Variants in HGSNAT observed in about 807,000 individuals in gnomAD.
HGSNAT encodes the protein transmembrane protein 76.
HGSNAT carries 59 observed loss-of-function variants against 85.2 expected under a neutral mutation model. The ratio of observed to expected loss-of-function variants is 0.69; its 90% CI spans 0.56 to 0.86. The LOEUF (loss-of-function observed/expected upper bound fraction) is 0.86. Among genes scored for constraint, HGSNAT ranks in the 40% least tolerant of loss-of-function variants. The pLI, the probability that HGSNAT is intolerant of heterozygous loss-of-function variation, is 0.00. For synonymous variants in HGSNAT, 321 were observed against 304.5 expected, an observed-to-expected ratio of 1.05 and a Z score of -0.56; for missense variants, 756 against 777.1, an observed-to-expected ratio of 0.97 and a Z score of 0.32.
chr8:43,178,594 CT>C (rs58996359), intron 10 of HGSNAT, among the ~76,000 whole-genome samples: 4,732 of 96,912 alleles, frequency 0.049, 202 homozygotes, highest in African/African-American at 0.13. Flanking sequence ...CATCAGCTTT[CT>C]TTTTTTTTTT....
rs139084181 is a variant in HGSNAT, at chr8:43,189,315, T to A, written c.1129-2159T>A. Among the ~76,000 whole-genome samples the A allele has an allele frequency of 4.3e-3, 661 of 152,314 alleles. 7 individuals are homozygous for A. The highest frequency in any genetic ancestry group is 0.015 in the African/African-American group (632 of 41,578). On this transcript the variant is annotated intron_variant, in intron 11 of 17. Transcript: ENST00000379644. Reference sequence around the variant, plus strand: ...AGCTCCCCACCTGCTTTGTTTACCTTCTCAAGCCTCAGCAATGGCGGATGC... The same window carrying A: ...AGCTCCCCACCTGCTTTGTTTACCTACTCAAGCCTCAGCAATGGCGGATGC...
intron 17 of HGSNAT, 97 bp from the exon 18 acceptor site, chr8:43,199,291 T>C (rs1479538342): frequency 2.4e-6 from 2 of 850,908 alleles, no homozygotes; most frequent in African/African-American, 3.4e-5. Flanking sequence ...GTGCACACTT[T>C]CTGTTTTTTC....
At chr8:43,152,140 A>C (rs1456767650) in intron 2 of HGSNAT, among the ~76,000 whole-genome samples, 1 of 152,082 alleles carries the variant, frequency 6.6e-6, no homozygotes, top group Non-Finnish European at 1.5e-5. Flanking sequence ...AAAATACAAA[A>C]ATTAGCTGGG....
Position 43,166,105 on chromosome 8 carries a change from G to C in HGSNAT, c.564-3068G>C, listed in dbSNP as rs543044675. ...AGAGACTAAGAGAAGTGAGGAATCT[G>C]CAGAAGAAAAGTTGGAAACTAGCAG... is the stretch of plus-strand genomic sequence containing the variant. On this transcript the variant is annotated intron_variant, in intron 5 of 17. Coordinates refer to ENST00000379644, the MANE Select transcript of HGSNAT (RefSeq NM_152419.3). Among the ~76,000 whole-genome samples, 5 of 152,312 alleles carry C rather than the reference G, an allele frequency of 3.3e-5. No individual in the cohort carries two copies. In the East Asian group the frequency reaches 9.6e-4, roughly 29 times the overall value.
intron 5 of HGSNAT, among the ~76,000 whole-genome samples, chr8:43,166,456 T>TC (rs1803438749): frequency 6.6e-6 from 1 of 152,162 alleles, no homozygotes. Context: ...AATCCTAGGG[T>TC]CCTTAAGAAT....
At chr8:43,184,598 C>G (rs1804243544) in intron 11 of HGSNAT, among the ~76,000 whole-genome samples, 2 of 152,222 alleles carry the variant, frequency 1.3e-5, no homozygotes, top group Admixed American at 1.3e-4. Context: ...CCTGTTCACT[C>G]TGATGGTAGT....
intron 1 of HGSNAT, among the ~76,000 whole-genome samples, chr8:43,145,308 A>G (rs1802677132): frequency 6.6e-6 from 1 of 152,194 alleles, no homozygotes; most frequent in African/African-American, 2.4e-5. Context: ...ATGGCCAAAA[A>G]AAAGCATTCT....
intron 17 of HGSNAT, among the ~76,000 whole-genome samples, chr8:43,198,276 G>C (rs1804794958): frequency 6.7e-6 from 1 of 148,176 alleles, no homozygotes; most frequent in South Asian, 2.1e-4. Flanking sequence ...TCCAGTTTCT[G>C]GTTCTTTTTT....
chr8:43,172,030 A>G (rs567580806), intron 7 of HGSNAT, among the ~76,000 whole-genome samples: 2 of 152,320 alleles, frequency 1.3e-5, no homozygotes, highest in South Asian at 2.1e-4. Flanking sequence ...ATATTTTGCA[A>G]TGTTTTCAAG....
chr8:43,140,985 T>C (rs1035007925), intron 1 of HGSNAT, among the ~76,000 whole-genome samples: 3 of 152,042 alleles, frequency 2.0e-5, no homozygotes, highest in African/African-American at 4.8e-5. Context: ...CAGCCGAGGA[T>C]CGGGGGGGCT....
At chr8:43,177,068 C>G (rs1436177538) in intron 9 of HGSNAT, among the ~76,000 whole-genome samples, 5 of 152,008 alleles carry the variant, frequency 3.3e-5, no homozygotes, top group African/African-American at 7.2e-5. Context: ...TATTTTTGTA[C>G]TCATTATTAG....
chr8:43,194,307 A>C (rs1804637087), intron 14 of HGSNAT: 1 of 740,082 alleles, frequency 1.4e-6, no homozygotes, highest in East Asian at 1.3e-4. Flanking sequence ...CTGAGGTAGG[A>C]GTATGGCTTG....
Position 43,193,470 on chromosome 8 carries a change from A to G in HGSNAT, c.1378-287A>G, listed in dbSNP as rs545529712. On this transcript the variant is annotated intron_variant, in intron 13 of 17. Transcript: ENST00000379644. The stretch of plus-strand genomic sequence containing the variant: ...GCTGGTCAGGAAGGCGTCATGTCAC[A>G]AGGCCTGGAGCCAGCGCTGTTTGCT... Among the ~76,000 whole-genome samples the G allele has an allele frequency of 3.3e-5, 5 of 152,200 alleles. No homozygotes were observed. The South Asian group carries it at 1.0e-3, about 32-fold the overall frequency.
At chr8:43,198,575 C>A (rs980790761) in intron 17 of HGSNAT, among the ~76,000 whole-genome samples, 1 of 152,142 alleles carries the variant, frequency 6.6e-6, no homozygotes, top group Non-Finnish European at 1.5e-5. Context: ...GCGTGAGCCA[C>A]CGTGCCCAGC....
chr8:43,152,575 C>A (rs759183543), intron 2 of HGSNAT, among the ~76,000 whole-genome samples: 1 of 152,090 alleles, frequency 6.6e-6, no homozygotes, highest in Non-Finnish European at 1.5e-5. Flanking sequence ...TTCAGCCTCT[C>A]AAGTAGCTAG....
rs1297652455 is a variant in HGSNAT at position 43,199,573 on chromosome 8, C to T, written c.*4C>T. 2.0e-6 allele frequency: 3 copies of T among 1,535,880 alleles called. No individual in the cohort carries two copies. The highest frequency in any genetic ancestry group is 1.8e-4 in the Middle Eastern group (1 of 5,662). On this transcript the variant is annotated 3_prime_UTR_variant, in exon 18 of 18. Transcript: ENST00000379644. ...GAAGATTTTTTGGAAAATCTGATGG[C>T]TCCCACTGAGATGTGCTGCTGGAAG...
intron 14 of HGSNAT, chr8:43,196,605 G>A: frequency 1.8e-5 from 19 of 1,058,986 alleles, no homozygotes; most frequent in Non-Finnish European, 2.5e-5. Context: ...TGGAGATGTG[G>A]TGTGGCTACC....
In HGSNAT at chr8:43,173,699, T is replaced by C. The variant is rs150884201; in HGVS notation, c.821-14T>C. On this transcript the variant is annotated splice_polypyrimidine_tract_variant and intron_variant, in intron 8 of 17. Transcript: ENST00000379644. ...CTAGAGTCCTTTTGCTTATGCTTTG[T>C]ACTTGTTCTGCAGGGCTGACAGTGG... 1 of 1,612,734 alleles carries C rather than the reference T, an allele frequency of 6.2e-7. No homozygotes were observed. The highest frequency in any genetic ancestry group is 8.5e-7 in the Non-Finnish European group (1 of 1,179,304).
At chr8:43,150,436 G>A (rs540323318) in intron 2 of HGSNAT, among the ~76,000 whole-genome samples, 113 of 151,522 alleles carry the variant, frequency 7.5e-4, no homozygotes, top group African/African-American at 2.6e-3. Context: ...ACCAGCTGGG[G>A]CAACAAAGTA....
Sources: gnomAD v4.1 joint callset for allele counts (sites outside exome capture counted in the v4.1 genomes callset) on GRCh38, gnomAD v4.1.1 for gene constraint, MANE v1.5 for transcripts, NCBI Gene and HGNC (gene_info 2026-07-23, HGNC 2026-07-21) for gene names.